The following NCOR2 variants were observed in gnomAD, a reference collection of about 807,000 sequenced individuals.
The protein encoded by NCOR2 is nuclear receptor corepressor 2, also known as CTG repeat protein 26.
A neutral mutation model predicts 262.9 loss-of-function variants in NCOR2; 81 were observed. That is an observed-to-expected ratio of 0.31 (90% CI 0.26 to 0.37). NCOR2 has a LOEUF of 0.37. Ranked by LOEUF, NCOR2 falls within the 10% of genes least tolerant of loss-of-function variation. The pLI is 1.00. For synonymous variants in NCOR2, 1,659 were observed against 1,559.3 expected, an observed-to-expected ratio of 1.06 and a Z score of -1.51; for missense variants, 3,385 against 3,621.4, an observed-to-expected ratio of 0.93 and a Z score of 1.68.
At chr12:124,373,170 C>T (rs1336513626) in intron 19 of NCOR2, among the ~76,000 whole-genome samples, 1 of 152,284 alleles carries the variant, frequency 6.6e-6, no homozygotes, top group East Asian at 1.9e-4. Context: ...CCACCATCAT[C>T]GTCACATGAC....
chr12:124,469,170 G>A (rs956203997), intron 4 of NCOR2, among the ~76,000 whole-genome samples: 1 of 152,126 alleles, frequency 6.6e-6, no homozygotes, highest in African/African-American at 2.4e-5. Context: ...ATTCTGCAAT[G>A]TGACAGGGCA....
At chr12:124,552,435 G>T (rs972843746) in intron 1 of NCOR2, among the ~76,000 whole-genome samples, 1 of 152,144 alleles carries the variant, frequency 6.6e-6, no homozygotes, top group Non-Finnish European at 1.5e-5. Context: ...CCGTTTGCAG[G>T]TTTCTCTCTT....
rs373930366 is a variant in NCOR2, at chr12:124,361,207, G to A, written c.3100+919C>T. Among the ~76,000 whole-genome samples the A allele has an allele frequency of 1.5e-4, 23 of 152,154 alleles. No homozygotes were observed. The Middle Eastern group carries it at 0.014, about 90-fold the overall frequency. The stretch of plus-strand genomic sequence containing the variant: ...CAGCTGATGGTAGCTCCAGTCACCC[G>A]GATTTGTCCCTGGGCTGTGCTGGTC... On this transcript the variant is annotated intron_variant, in intron 22 of 46. Transcript: ENST00000405201.
At position 124,367,766 on chromosome 12, in the gene NCOR2, G is replaced by A. The variant is rs376803921; in HGVS notation, c.2808-3967C>T. Among the ~76,000 whole-genome samples, 15 of 152,022 alleles carry A rather than the reference G, an allele frequency of 9.9e-5. No homozygotes were observed. The East Asian group carries it at 1.2e-3, about 12-fold the overall frequency. On this transcript the variant is annotated intron_variant, in intron 20 of 46. Coordinates refer to ENST00000405201, the Ensembl canonical transcript of NCOR2. ...TCCTGCCTCAGTCTCCCTAGTAGCT[G>A]GGATTGCAGGCACACGCCACCATAC... is the stretch of plus-strand genomic sequence containing the variant.
At chr12:124,395,186 C>T (rs546788745) in intron 16 of NCOR2, among the ~76,000 whole-genome samples, 1 of 152,272 alleles carries the variant, frequency 6.6e-6, no homozygotes, top group East Asian at 1.9e-4. Context: ...GGGCAGAGAC[C>T]ATCTGCCTCA....
chr12:124,498,131 G>A (rs2048474218), upstream of NCOR2, among the ~76,000 whole-genome samples: 1 of 152,188 alleles, frequency 6.6e-6, no homozygotes, highest in Admixed American at 6.5e-5. Flanking sequence ...CCTCTTTCAA[G>A]GGCACCACGG....
At chr12:124,425,832 C>T (rs1040865768) in intron 11 of NCOR2, among the ~76,000 whole-genome samples, 4 of 152,132 alleles carry the variant, frequency 2.6e-5, no homozygotes, top group African/African-American at 7.2e-5. Flanking sequence ...GGCCTTTGTG[C>T]ACTGTCTGAA....
In NCOR2 at chr12:124,378,430, C is replaced by A; in HGVS notation, c.2020-46G>T. ...AGATCAGGACTGGGGCCTGGGCTGT[C>A]AGCTCGGGGACTCCCCATGCCTGGG... On this transcript the variant is annotated intron_variant, in intron 17 of 46. Coordinates refer to ENST00000405201, the Ensembl canonical transcript of NCOR2. This position sits in a 1 kb window ranked among gnomAD's most constrained non-coding sequence, Gnocchi z 4.2. 6.4e-7 allele frequency: 1 copy of A among 1,558,458 alleles called. No homozygotes were observed. Among genetic ancestry groups the A allele is most frequent in the African/African-American group, 1.4e-5 (1 of 73,640 alleles).
chr12:124,433,236 G>C (rs530383102), intron 8 of NCOR2, among the ~76,000 whole-genome samples: 52 of 152,342 alleles, frequency 3.4e-4, no homozygotes, highest in Admixed American at 3.4e-3. Context: ...ACAGACAACG[G>C]CCACACGTGC....
chr12:124,385,338 G>A (rs1304777550), intron 17 of NCOR2, among the ~76,000 whole-genome samples: 3 of 152,192 alleles, frequency 2.0e-5, no homozygotes. Flanking sequence ...TGGGGCAGGG[G>A]AGCCACTCGC....
In NCOR2 at chr12:124,531,697, A is replaced by T. The variant is rs2050787441; in HGVS notation, c.-118+3868T>A. Reference sequence around the variant, plus strand: ...CCAAGCAGGGCCCAGGGCCCCGTCCAACTGGGGTTAAAGCCGGTCCTCCCA... The same window carrying T: ...CCAAGCAGGGCCCAGGGCCCCGTCCTACTGGGGTTAAAGCCGGTCCTCCCA... On this transcript the variant is annotated intron_variant, in intron 1 of 46. Transcript: ENST00000404621. This position sits in a 1 kb window ranked among gnomAD's most constrained non-coding sequence, Gnocchi z 4.5. Among the ~76,000 whole-genome samples, 1 of 151,784 alleles carries T rather than the reference A, an allele frequency of 6.6e-6. No individual in the cohort carries two copies. Among genetic ancestry groups the T allele is most frequent in the South Asian group, 2.1e-4 (1 of 4,794 alleles).
chr12:124,426,524 C>T lies in NCOR2; in HGVS notation c.1328+98G>A, dbSNP rs915038221. 5.9e-5 allele frequency: 72 copies of T among 1,225,864 alleles called. 1 individual carries two copies. Among genetic ancestry groups the T allele is most frequent in the Non-Finnish European group, 6.4e-5 (58 of 906,448 alleles). 75.9% of individuals were successfully genotyped at this position (1,225,864 alleles called of 1,614,324 possible). A position where few individuals can be genotyped will look rare whatever the true frequency, so the allele number is the denominator to read the frequency against. ...AATCCCTGCGGTTTTAAGCACCCCC[C>T]GGCATGCTCATTTGTGGTGGCTGCC... On this transcript the variant is annotated intron_variant, in intron 11 of 46. Transcript: ENST00000405201.
At chr12:124,397,432 G>A (rs1019832922) in intron 16 of NCOR2, among the ~76,000 whole-genome samples, 1 of 152,158 alleles carries the variant, frequency 6.6e-6, no homozygotes, top group African/African-American at 2.4e-5. Flanking sequence ...AGGGGATCCG[G>A]CTTAGGAGGC....
chr12:124,509,238 G>GGA (rs56314012), intron 1 of NCOR2, among the ~76,000 whole-genome samples: 14,613 of 116,386 alleles, frequency 0.13, 1,331 homozygotes, highest in East Asian at 0.25. Flanking sequence ...GCTTTGGTGG[G>GGA]GGGGGGGGGG....
Position 124,378,824 on chromosome 12 carries a change from C to T in NCOR2, c.2020-440G>A, listed in dbSNP as rs1006294297. Among the ~76,000 whole-genome samples the T allele has an allele frequency of 1.9e-4, 29 of 152,234 alleles. No homozygotes were observed. Among genetic ancestry groups the T allele is most frequent in the African/African-American group, 5.5e-4 (23 of 41,456 alleles). On this transcript the variant is annotated intron_variant, in intron 17 of 46. Transcript: ENST00000405201. The surrounding 1 kb of genome is among the most constrained non-coding windows in gnomAD (Gnocchi z 4.2). ...GGAACAGGCCAGCCTGGGAAGCTCG[C>T]GTTTCATTCCCTGAACCTTTACAGA...
intron 11 of NCOR2, among the ~76,000 whole-genome samples, chr12:124,425,834 C>A (rs1227363806): frequency 6.6e-6 from 1 of 152,152 alleles, no homozygotes; most frequent in Non-Finnish European, 1.5e-5. Context: ...CCTTTGTGCA[C>A]TGTCTGAACC....
chr12:124,422,313 C>T (rs999525409), intron 12 of NCOR2, among the ~76,000 whole-genome samples, 188 bp downstream of exon 14: 9 of 152,156 alleles, frequency 5.9e-5, no homozygotes, highest in African/African-American at 1.7e-4. Context: ...GAGGCCAGGG[C>T]GGGGCCTGCA....
At position 124,566,127 on chromosome 12, in the gene NCOR2, C is replaced by G. The variant is rs1462317345; in HGVS notation, c.-165+1181G>C. Among the ~76,000 whole-genome samples, 2 of 152,142 alleles carry G rather than the reference C, an allele frequency of 1.3e-5. No homozygotes were observed. The highest frequency in any genetic ancestry group is 2.9e-5 in the Non-Finnish European group (2 of 68,022). On this transcript the variant is annotated intron_variant, in intron 1 of 32. Transcript: ENST00000458234. This position sits in a 1 kb window ranked among gnomAD's most constrained non-coding sequence, Gnocchi z 4.3. ...GGTCCTCCCCTTATCCCCTCCTCCC[C>G]TCTTCCCTCCCTCACACATCCTTCC...
exon 22 of NCOR2, chr12:124,362,184 C>T (rs2135965246): frequency 8.4e-6 from 11 of 1,310,098 alleles, no homozygotes; most frequent in Non-Finnish European, 1.1e-5. Context: ...TGCTGCCAGG[C>T]TGCTGAGGGG....
Sources: gnomAD v4.1 joint callset for allele counts (sites outside exome capture counted in the v4.1 genomes callset) on GRCh38, gnomAD v4.1.1 for gene constraint, Gnocchi (gnomAD v3.1) non-coding constraint, MANE v1.5 for transcripts, NCBI Gene and HGNC (gene_info 2026-07-23, HGNC 2026-07-21) for gene names.